The following FDXR variants were observed in gnomAD, a reference collection of about 807,000 sequenced individuals.
FDXR encodes the protein NADPH:adrenodoxin oxidoreductase, mitochondrial.
FDXR carries 38 observed loss-of-function variants against 58.3 expected under a neutral mutation model. That is an observed-to-expected ratio of 0.65 (90% CI 0.50 to 0.85). The LOEUF (loss-of-function observed/expected upper bound fraction) is 0.85, where lower values mean the gene tolerates loss of function less well. Ranked by LOEUF, FDXR falls within the 40% of genes least tolerant of loss-of-function variation. The pLI is 0.00. For synonymous variants in FDXR, 275 were observed against 273.8 expected (o/e 1.00, Z -0.04); for missense variants, 624 against 671.0 (o/e 0.93, Z 0.77).
rs1178334089 is a variant in FDXR, at chr17:74,863,082, T to G, written c.1339A>C (p.Ser447Arg). ...TCAGCATCGGGGCCCAGACCTCGGC[T>G]GCTGAGCAGGGCCTGGATGGCTGCG... ...GYAAIQALLS[S>R]RGVRPVSFSD... is the part of the protein sequence containing the mutation. The change falls in exon 11 of 12, where the codon AGC (serine) becomes CGC (arginine). Residue 447 changes from serine (S) to arginine (R), a missense_variant. By Grantham distance (110) the Ser-to-Arg change is moderately radical. Transcript: ENST00000293195. 5.6e-6 allele frequency: 9 copies of G among 1,611,534 alleles called. No individual in the cohort carries two copies. The Admixed American group carries it at 1.5e-4, about 27-fold the overall frequency.
chr17:74,871,673 G>A (rs958429284), intron 2 of FDXR, among the ~76,000 whole-genome samples: 2 of 152,186 alleles, frequency 1.3e-5, no homozygotes, highest in African/African-American at 4.8e-5. Context: ...GGGTAGCCTC[G>A]AGATGTAGGA....
At chr17:74,870,793 C>CTG (rs1165258631) in intron 2 of FDXR, among the ~76,000 whole-genome samples, 1,838 of 102,138 alleles carry the variant, frequency 0.018, 41 homozygotes, top group African/African-American at 0.063. Context: ...AATGCACTGT[C>CTG]TCTCTTTTTT....
At position 74,864,846 on chromosome 17, in the gene FDXR, AG is replaced by A; in HGVS notation, c.694del (p.Leu232CysfsTer13). ...CACCTTAATGGTGAAGGCCACTTGC[AG>A]GGGTCCACGCCGGCCCACTAGCCAC... is the stretch of plus-strand genomic sequence containing the variant. ...TVWLVGRRGP[L>X]QVAFTIKELR... On this transcript the variant is annotated frameshift_variant, in exon 7 of 12. Coordinates refer to ENST00000293195, the MANE Select transcript of FDXR (RefSeq NM_024417.5). LOFTEE classifies it high-confidence loss of function. 1 of 1,613,942 alleles carries A rather than the reference AG, an allele frequency of 6.2e-7. No individual in the cohort carries two copies. The highest frequency in any genetic ancestry group is 8.5e-7 in the Non-Finnish European group (1 of 1,179,956).
In FDXR at chr17:74,866,122, C is replaced by A; in HGVS notation, c.507+9G>T. The A allele has an allele frequency of 6.3e-7, 1 of 1,599,288 alleles. No homozygotes were observed. The highest frequency in any genetic ancestry group is 8.6e-7 in the Non-Finnish European group (1 of 1,167,634). ...AGGAAGAGGCAGCGGGCGTGCTCCC[C>A]ATACTCACCTCCTGGTTCTCAGGAA... On this transcript the variant is annotated intron_variant, in intron 5 of 11. Transcript: ENST00000293195.
chr17:74,863,291 ACCACCC>A (rs1389029572), intron 10 of FDXR, 45 bp from the exon 11 acceptor site: 63 of 1,551,316 alleles, frequency 4.1e-5, no homozygotes, highest in Admixed American at 1.5e-4. Flanking sequence ...GTGGCTGGAT[ACCACCC>A]TGGCCATCCT....
intron 2 of FDXR, among the ~76,000 whole-genome samples, chr17:74,870,591 TA>T (rs112059939): frequency 0.84 from 123,324 of 146,832 alleles, 52,342 homozygotes; most frequent in African/African-American, 0.95. Context: ...CAGGATCAGC[TA>T]AAAAAAAACT....
At chr17:74,870,953 C>A (rs544456808) in intron 2 of FDXR, among the ~76,000 whole-genome samples, 1 of 152,164 alleles carries the variant, frequency 6.6e-6, no homozygotes, top group East Asian at 1.9e-4. Flanking sequence ...CAGACCTGTG[C>A]CACCACACGT....
chr17:74,872,633 T>A, intron 1 of FDXR: 1 of 904,598 alleles, frequency 1.1e-6, no homozygotes, highest in South Asian at 1.7e-5. Context: ...CACCTGTAGA[T>A]CTCAAAGTCT....
At chr17:74,872,686 CCTCA>C in intron 1 of FDXR, 176 bp downstream of exon 1, 2 of 1,353,542 alleles carry the variant, frequency 1.5e-6, no homozygotes, top group Non-Finnish European at 2.0e-6. Context: ...ACCCTAGAAG[CCTCA>C]CATCTCACGC....
chr17:74,866,936 G>T, intron 2 of FDXR, 60 bp from the exon 3 acceptor site: 1 of 1,580,780 alleles, frequency 6.3e-7, no homozygotes, highest in Non-Finnish European at 8.6e-7. Context: ...GACGCCCCCA[G>T]GTCCTCCCCT....
In FDXR at chr17:74,866,253, AG is replaced by A; in HGVS notation, c.394-10del. ...TCCTCTGCCCCGTAGCTCTGATGAA[AG>A]ATGGCAGGCCCGAGACCCACAGCCT... On this transcript the variant is annotated splice_polypyrimidine_tract_variant and intron_variant, in intron 4 of 11. Transcript: ENST00000293195. 4.3e-6 allele frequency: 7 copies of A among 1,611,420 alleles called. No individual in the cohort carries two copies. Among genetic ancestry groups the A allele is most frequent in the Non-Finnish European group, 5.9e-6 (7 of 1,178,172 alleles).
At position 74,864,575 on chromosome 17, in the gene FDXR, G is replaced by A. The variant is rs1408368607; in HGVS notation, c.718-11C>T. On this transcript the variant is annotated splice_polypyrimidine_tract_variant and intron_variant, in intron 7 of 11. Coordinates refer to ENST00000293195, the MANE Select transcript of FDXR (RefSeq NM_024417.5). Reference sequence around the variant, plus strand: ...CATCTCCCGAAGCTCCTTGAAGGTGGGAGCAGGGAATGGGGGAGGAGGTCA... The same window carrying A: ...CATCTCCCGAAGCTCCTTGAAGGTGAGAGCAGGGAATGGGGGAGGAGGTCA... 6.2e-7 allele frequency: 1 copy of A among 1,612,750 alleles called. No homozygotes were observed.
chr17:74,866,780 C>T lies in FDXR; in HGVS notation c.270+4G>A, dbSNP rs375741676. ...CCCCAGCCTCCAGGCCCAGAGACACCCACCTTCACCTCGGGGTGATCAGGC... is the reference window on the plus strand; with the variant it reads ...CCCCAGCCTCCAGGCCCAGAGACACTCACCTTCACCTCGGGGTGATCAGGC... On this transcript the variant is annotated splice_donor_region_variant and intron_variant, in intron 3 of 11. Coordinates refer to ENST00000293195, the MANE Select transcript of FDXR (RefSeq NM_024417.5). 1 of 1,613,974 alleles carries T rather than the reference C, an allele frequency of 6.2e-7. No individual in the cohort carries two copies. The highest frequency in any genetic ancestry group is 8.5e-7 in the Non-Finnish European group (1 of 1,179,984).
At chr17:74,872,458 C>G in intron 1 of FDXR, 1 of 653,686 alleles carries the variant, frequency 1.5e-6, no homozygotes, top group Admixed American at 3.0e-5. Context: ...CCCAATCTCG[C>G]CCCCGTGGGT....
chr17:74,870,795 C>G (rs114323107), intron 2 of FDXR, among the ~76,000 whole-genome samples: 2,195 of 95,648 alleles, frequency 0.023, 56 homozygotes, highest in African/African-American at 0.083. Flanking sequence ...TGCACTGTCT[C>G]TCTTTTTTTT....
At chr17:74,870,779 C>T (rs931091937) in intron 2 of FDXR, among the ~76,000 whole-genome samples, 3 of 148,352 alleles carry the variant, frequency 2.0e-5, no homozygotes, top group African/African-American at 7.5e-5. Flanking sequence ...TTCAAGGCAG[C>T]TCAAATGCAC....
At chr17:74,872,441 A>T in intron 1 of FDXR, 1 of 683,978 alleles carries the variant, frequency 1.5e-6, no homozygotes, top group Non-Finnish European at 2.4e-6. Context: ...AACGGCCTCC[A>T]TATCATCCCA....
At chr17:74,872,825 C>T in intron 1 of FDXR, 41 bp downstream of exon 1, 4 of 1,543,212 alleles carry the variant, frequency 2.6e-6, no homozygotes, top group Non-Finnish European at 3.5e-6. Context: ...TCGCAGGCCT[C>T]CCCGCGCTCC....
At position 74,866,782 on chromosome 17, in the gene FDXR, A is replaced by G; in HGVS notation, c.270+2T>C. 1 of 1,613,954 alleles carries G rather than the reference A, an allele frequency of 6.2e-7. No individual in the cohort carries two copies. Among genetic ancestry groups the G allele is most frequent in the Non-Finnish European group, 8.5e-7 (1 of 1,179,946 alleles). On this transcript the variant is annotated splice_donor_variant, in intron 3 of 11. Coordinates refer to ENST00000293195, the MANE Select transcript of FDXR (RefSeq NM_024417.5). LOFTEE classifies it high-confidence loss of function. Reference sequence around the variant, plus strand: ...CCAGCCTCCAGGCCCAGAGACACCCACCTTCACCTCGGGGTGATCAGGCGC... The same window carrying G: ...CCAGCCTCCAGGCCCAGAGACACCCGCCTTCACCTCGGGGTGATCAGGCGC...
Sources: gnomAD v4.1 joint callset for allele counts (sites outside exome capture counted in the v4.1 genomes callset) on GRCh38, gnomAD v4.1.1 for gene constraint, MANE v1.5 for transcripts, NCBI Gene and HGNC (gene_info 2026-07-23, HGNC 2026-07-21) for gene names.